OR51B5: variants seen among roughly 807,000 people sequenced by gnomAD.
OR51B5 encodes the protein olfactory receptor 51B5.
For missense variants in OR51B5, 456 were observed against 374.6 expected (o/e 1.22, Z -1.79); for synonymous variants, 186 against 144.8 (o/e 1.28, Z -2.04).
rs10837971 is a variant in OR51B5, at chr11:5,385,672, G to A, written n.85-38762C>T. On this transcript the variant is annotated intron_variant and non_coding_transcript_variant, in intron 1 of 4. Transcript: ENST00000415970. ...TCTAAACATGTATAATAAAGAATACGTATAAATACTACCTATAATATATAT... is the reference window on the plus strand; with the variant it reads ...TCTAAACATGTATAATAAAGAATACATATAAATACTACCTATAATATATAT... 3.3e-5 allele frequency among the ~76,000 whole-genome samples: 5 copies of A among 150,928 alleles called. No individual in the cohort carries two copies. The South Asian group carries it at 6.2e-4, about 19-fold the overall frequency.
chr11:5,474,305 G>C (rs1285868021), intron 1 of OR51B5, among the ~76,000 whole-genome samples: 2 of 151,994 alleles, frequency 1.3e-5, no homozygotes, highest in Non-Finnish European at 2.9e-5. Flanking sequence ...TAAAATTCAT[G>C]ATTATAAACA....
rs1021325797 is a variant in OR51B5, at chr11:5,471,870, T to C, written n.84+33699A>G. On this transcript the variant is annotated intron_variant and non_coding_transcript_variant, in intron 1 of 4. Coordinates refer to the OR51B5 transcript ENST00000415970. ...TAGAAAGAGTAATGCAAAGTAAACATTGAAGGTGCTTATTCAGACTCCCGG... is the reference window on the plus strand; with the variant it reads ...TAGAAAGAGTAATGCAAAGTAAACACTGAAGGTGCTTATTCAGACTCCCGG... Among the ~76,000 whole-genome samples, 12 of 152,248 alleles carry C rather than the reference T, an allele frequency of 7.9e-5. No individual in the cohort carries two copies. In the East Asian group the frequency reaches 1.5e-3, roughly 20 times the overall value.
intron 1 of OR51B5, among the ~76,000 whole-genome samples, chr11:5,383,092 ATT>A (rs371140238): frequency 1.3e-5 from 2 of 149,978 alleles, no homozygotes; most frequent in African/African-American, 2.4e-5. Context: ...GTACAAGACT[ATT>A]TTTTTTTTTC....
intron 1 of OR51B5, among the ~76,000 whole-genome samples, chr11:5,351,184 T>A (rs2133686911): frequency 6.6e-6 from 1 of 152,334 alleles, no homozygotes; most frequent in South Asian, 2.1e-4. Flanking sequence ...TATAGTGATT[T>A]CTTCTTTCAT....
Position 5,361,248 on chromosome 11 carries a change from G to A in OR51B5, n.85-14338C>T, listed in dbSNP as rs547395446. 6.6e-5 allele frequency among the ~76,000 whole-genome samples: 10 copies of A among 152,238 alleles called. No individual in the cohort carries two copies. The South Asian group carries it at 2.1e-3, about 32-fold the overall frequency. On this transcript the variant is annotated intron_variant and non_coding_transcript_variant, in intron 1 of 4. Coordinates refer to the OR51B5 transcript ENST00000415970. ...AATAAATCTTATTTCTGGAGATGTGGCTAATTCCCTAACCTAGATGCAGGA... is the reference window on the plus strand; with the variant it reads ...AATAAATCTTATTTCTGGAGATGTGACTAATTCCCTAACCTAGATGCAGGA...
rs571841649 is a variant in OR51B5, at chr11:5,503,273, A to C, written n.84+2296T>G. On this transcript the variant is annotated intron_variant and non_coding_transcript_variant, in intron 1 of 4. Coordinates refer to the OR51B5 transcript ENST00000415970. ...ATTAACAAAGATCTGAAGTAATAAC[A>C]CAGCAACTGGTAATAGCACAGTTTC... Among the ~76,000 whole-genome samples the C allele has an allele frequency of 2.6e-5, 4 of 152,356 alleles. No individual in the cohort carries two copies. In the East Asian group the frequency reaches 7.7e-4, roughly 29 times the overall value.
In OR51B5 at chr11:5,465,374, A is replaced by C. The variant is rs988016327; in HGVS notation, n.84+40195T>G. ...GGCCAGTGATGGTGAGCATTTTTTC[A>C]TGTGTTTTTTGGCTGCATAAATGTC... On this transcript the variant is annotated intron_variant and non_coding_transcript_variant, in intron 1 of 4. Transcript: ENST00000415970. Among the ~76,000 whole-genome samples, 60 of 151,902 alleles carry C rather than the reference A, an allele frequency of 3.9e-4. 1 individual carries two copies. The highest frequency in any genetic ancestry group is 1.3e-3 in the African/African-American group (55 of 41,444).
intron 1 of OR51B5, among the ~76,000 whole-genome samples, chr11:5,496,910 G>A (rs547402916): frequency 3.3e-5 from 5 of 152,270 alleles, no homozygotes; most frequent in African/African-American, 1.2e-4. Flanking sequence ...GTCCTAGACA[G>A]CACTTCATTA....
upstream of OR51B5, among the ~76,000 whole-genome samples, chr11:5,347,776 G>A (rs952030733): frequency 1.3e-5 from 2 of 152,160 alleles, no homozygotes; most frequent in East Asian, 1.9e-4. Context: ...GAGGTAGGGA[G>A]AGAGGGAAGA....
intron 1 of OR51B5, among the ~76,000 whole-genome samples, chr11:5,429,577 G>A (rs1564810778): frequency 1.3e-5 from 2 of 152,062 alleles, no homozygotes; most frequent in Admixed American, 1.3e-4. Context: ...ATGAGAAGAT[G>A]GTCGTTCCCA....
intron 1 of OR51B5, among the ~76,000 whole-genome samples, chr11:5,366,457 A>C (rs999133920): frequency 2.6e-5 from 4 of 152,076 alleles, no homozygotes; most frequent in Non-Finnish European, 5.9e-5. Context: ...AAATACAAAA[A>C]AATTAGCAGG....
intron 1 of OR51B5, among the ~76,000 whole-genome samples, chr11:5,410,676 A>G (rs1396502941): frequency 1.3e-5 from 2 of 152,186 alleles, no homozygotes; most frequent in Non-Finnish European, 2.9e-5. Context: ...AGAATAAGGC[A>G]TCATTATCCT....
At chr11:5,502,905 C>T (rs772786672) in intron 1 of OR51B5, among the ~76,000 whole-genome samples, 11 of 152,190 alleles carry the variant, frequency 7.2e-5, no homozygotes, top group South Asian at 2.1e-4. Flanking sequence ...TAATCTTGTT[C>T]GCCATTGTAT....
chr11:5,464,999 G>A (rs1018520122), intron 1 of OR51B5, among the ~76,000 whole-genome samples: 11 of 152,038 alleles, frequency 7.2e-5, no homozygotes, highest in African/African-American at 2.7e-4. Flanking sequence ...GAGGTCAGGA[G>A]ATCGAGACCA....
At chr11:5,400,219 CTA>C (rs754917514) in intron 1 of OR51B5, among the ~76,000 whole-genome samples, 14 of 152,148 alleles carry the variant, frequency 9.2e-5, no homozygotes, top group Non-Finnish European at 1.9e-4. Context: ...TGATAATCTA[CTA>C]TGTTACGTTG....
intron 1 of OR51B5, among the ~76,000 whole-genome samples, chr11:5,477,827 G>A (rs1312715533): frequency 1.3e-5 from 2 of 152,190 alleles, no homozygotes; most frequent in Non-Finnish European, 2.9e-5. Flanking sequence ...GGCGCACCAT[G>A]AGATTATATC....
At chr11:5,407,003 AAATT>A (rs1199528389) in intron 1 of OR51B5, among the ~76,000 whole-genome samples, 1 of 152,146 alleles carries the variant, frequency 6.6e-6, no homozygotes, top group East Asian at 1.9e-4. Context: ...CAAAACCACA[AAATT>A]AATGATTTAA....
intron 1 of OR51B5, among the ~76,000 whole-genome samples, chr11:5,470,659 T>C (rs1447884336): frequency 2.6e-5 from 4 of 152,200 alleles, no homozygotes; most frequent in African/African-American, 9.7e-5. Context: ...AAAGTTATCA[T>C]CTCATCACCA....
chr11:5,408,271 G>C (rs1017758262), intron 1 of OR51B5, among the ~76,000 whole-genome samples: 3 of 151,852 alleles, frequency 2.0e-5, no homozygotes, highest in Admixed American at 2.0e-4. Context: ...CTTTCTAAGT[G>C]ATATCTTATT....
Sources: gnomAD v4.1 joint callset for allele counts (sites outside exome capture counted in the v4.1 genomes callset) on GRCh38, gnomAD v4.1.1 for gene constraint, MANE v1.5 for transcripts, NCBI Gene and HGNC (gene_info 2026-07-23, HGNC 2026-07-21) for gene names.